DIAPH2: variants seen among roughly 807,000 people sequenced by gnomAD.
DIAPH2 encodes the protein diaphanous related formin 2.
DIAPH2 carries 35 observed loss-of-function variants against 92.7 expected under a neutral mutation model. The ratio of observed to expected loss-of-function variants is 0.38; its 90% CI spans 0.29 to 0.50. DIAPH2 has a LOEUF of 0.50. Ranked by LOEUF, DIAPH2 falls within the 20% of genes least tolerant of loss-of-function variation. The probability of loss-of-function intolerance (pLI) is 0.94; values close to 1 mark genes in which losing one functional copy is unlikely to be tolerated. For missense variants in DIAPH2, 701 were observed against 819.5 expected, an observed-to-expected ratio of 0.86 and a Z score of 1.77; for synonymous variants, 301 against 280.4, an observed-to-expected ratio of 1.07 and a Z score of -0.73.
intron 4 of DIAPH2, among the ~76,000 whole-genome samples, chrX:96,785,142 G>A (rs187989098): frequency 3.8e-4 from 43 of 111,863 alleles, no homozygotes; most frequent in African/African-American, 1.4e-3. Flanking sequence ...AATGGATTTG[G>A]TTTGTAAAAG....
At chrX:97,249,484 A>T (rs1220952200) in intron 23 of DIAPH2, among the ~76,000 whole-genome samples, 1 of 112,103 alleles carries the variant, frequency 8.9e-6, no homozygotes, top group Non-Finnish European at 1.9e-5. Flanking sequence ...GTTACTTTGC[A>T]TATCATATTT....
Position 97,565,924 on chromosome X carries a change from A to G in DIAPH2, c.3242-33329A>G, listed in dbSNP as rs2071323913. Among the ~76,000 whole-genome samples, 3 of 112,253 alleles carry G rather than the reference A, an allele frequency of 2.7e-5. 1 individual carries two copies. In the South Asian group the frequency reaches 1.1e-3, roughly 41 times the overall value. On this transcript the variant is annotated intron_variant, in intron 26 of 26. Transcript: ENST00000324765. ...TTCATCTTGCATGTGTATATTGGTG[A>G]TCTTCGTTAGGTATTTACTGCAGGG... is the stretch of plus-strand genomic sequence containing the variant.
At chrX:96,786,360 G>C (rs1477617042) in intron 4 of DIAPH2, among the ~76,000 whole-genome samples, 1 of 111,840 alleles carries the variant, frequency 8.9e-6, no homozygotes, top group Non-Finnish European at 1.9e-5. Flanking sequence ...TGTGGAGAAA[G>C]GGGCTTCAGG....
chrX:96,898,595 T>G (rs1419495309), intron 5 of DIAPH2, among the ~76,000 whole-genome samples: 2 of 107,120 alleles, frequency 1.9e-5, no homozygotes, highest in East Asian at 3.0e-4. Flanking sequence ...TCTTGTAAAT[T>G]TGTTTGAGTT....
intron 17 of DIAPH2, among the ~76,000 whole-genome samples, chrX:96,966,177 A>G (rs1442673911): frequency 1.8e-5 from 2 of 111,719 alleles, no homozygotes; most frequent in Non-Finnish European, 3.8e-5. Flanking sequence ...TCATATGCAC[A>G]CACAAATCTG....
intron 17 of DIAPH2, among the ~76,000 whole-genome samples, chrX:97,064,894 T>C (rs1319080294): frequency 9.0e-6 from 1 of 111,044 alleles, no homozygotes; most frequent in Admixed American, 9.6e-5. Flanking sequence ...GCTACAAATA[T>C]TTCAGGGTGT....
chrX:96,691,156 G>A (rs1379393967), intron 1 of DIAPH2, among the ~76,000 whole-genome samples: 1 of 111,374 alleles, frequency 9.0e-6, no homozygotes, highest in Non-Finnish European at 1.9e-5. Context: ...ATATAAATCA[G>A]CACATCTGGT....
intron 1 of DIAPH2, among the ~76,000 whole-genome samples, chrX:96,700,175 A>G (rs943137041): frequency 1.8e-5 from 2 of 111,139 alleles, no homozygotes; most frequent in Non-Finnish European, 3.8e-5. Flanking sequence ...TGCTCAGCTA[A>G]TTTTTGTATT....
chrX:97,386,689 G>A (rs1013820808), intron 25 of DIAPH2, among the ~76,000 whole-genome samples: 1 of 109,019 alleles, frequency 9.2e-6, no homozygotes, highest in Admixed American at 9.8e-5. Flanking sequence ...AAAAAGAAAA[G>A]TTCTGAAAGT....
chrX:97,506,210 C>T (rs778316565), intron 26 of DIAPH2, among the ~76,000 whole-genome samples: 14 of 80,051 alleles, frequency 1.7e-4, no homozygotes, highest in East Asian at 1.4e-3. Context: ...AGTGCAATGG[C>T]GCCATCTTGG....
rs1188210440 is a variant in DIAPH2, at chrX:97,603,713, A to AGAT, written c.*4397_*4399dup. On this transcript the variant is annotated 3_prime_UTR_variant, in exon 27 of 27. Transcript: ENST00000324765. Reference sequence around the variant, plus strand: ...TTCACACTACTGTAGTAGACAATTTAGATAGATAAACTTTTTGCCACTATA... The same window carrying AGAT: ...TTCACACTACTGTAGTAGACAATTTAGATGATAGATAAACTTTTTGCCACTATA... The AGAT allele has an allele frequency of 2.7e-5, 3 of 112,569 alleles. No individual in the cohort carries two copies. The highest frequency in any genetic ancestry group is 9.7e-5 in the African/African-American group (3 of 30,944). The allele number at this position is 112,569 out of a possible 1,213,427, so 9.3% of individuals were successfully genotyped here. A position where few individuals can be genotyped will look rare whatever the true frequency, so the allele number is the denominator to read the frequency against.
intron 5 of DIAPH2, chrX:96,884,393 G>C (rs2065242613): frequency 8.3e-7 from 1 of 1,210,455 alleles, no homozygotes; most frequent in South Asian, 1.8e-5. Context: ...CTGTGTGAGA[G>C]AGATGCAACT....
intron 14 of DIAPH2, 106 bp downstream of exon 14, chrX:96,945,697 A>G: frequency 1.9e-6 from 1 of 523,452 alleles, no homozygotes; most frequent in Non-Finnish European, 2.9e-6. Context: ...TCATTTATGT[A>G]GTACTTTATA....
chrX:96,761,021 A>G (rs10521497), intron 4 of DIAPH2, among the ~76,000 whole-genome samples: 3,281 of 110,184 alleles, frequency 0.03, 115 homozygotes, highest in African/African-American at 0.11. Flanking sequence ...GGAAGAGTCT[A>G]TATTTTCAAA....
rs1211331261 is a variant in DIAPH2 at position 97,384,014 on chromosome X, A to G, written c.3115A>G (p.Lys1039Glu). 8.3e-7 allele frequency: 1 copy of G among 1,201,809 alleles called. No individual in the cohort carries two copies. Among genetic ancestry groups the G allele is most frequent in the Admixed American group, 2.2e-5 (1 of 45,007 alleles). The change falls in exon 25 of 27, where the codon AAA becomes GAA. Residue 1039 changes from lysine to glutamate, a missense_variant. Lys to Glu is a moderately conservative substitution (Grantham distance 56). Around this residue, in one of 3 missense-constraint regions of DIAPH2, gnomAD observed 536 missense variants for 599.3 expected, o/e 0.89. Coordinates refer to ENST00000324765, the MANE Select transcript of DIAPH2 (RefSeq NM_006729.5). ...ACAAGAAAAGTTAGAACGCCAGAAG[A>G]AAAAGAAACAACTCATTGATATAAA... is the stretch of plus-strand genomic sequence containing the variant. ...AEQEKLERQK[K>E]KKQLIDINKE... is the part of the protein sequence containing the mutation.
chrX:97,377,933 G>A (rs1346122955), intron 24 of DIAPH2, among the ~76,000 whole-genome samples: 4 of 106,821 alleles, frequency 3.7e-5, no homozygotes, highest in Non-Finnish European at 7.7e-5. Context: ...TAAAAGAGGC[G>A]ACTGAAAGAA....
At chrX:97,533,848 A>G (rs998184089) in intron 26 of DIAPH2, among the ~76,000 whole-genome samples, 5 of 111,721 alleles carry the variant, frequency 4.5e-5, no homozygotes, top group Non-Finnish European at 9.4e-5. Context: ...GAAAAACAAT[A>G]ATTTACTCTG....
chrX:96,981,939 G>A (rs1054375922), intron 17 of DIAPH2, among the ~76,000 whole-genome samples: 3 of 111,327 alleles, frequency 2.7e-5, no homozygotes, highest in African/African-American at 9.8e-5. Flanking sequence ...TTGCCTACCC[G>A]ATTCTACCTA....
At chrX:97,448,211 A>T (rs1408215975) in intron 26 of DIAPH2, among the ~76,000 whole-genome samples, 1 of 112,057 alleles carries the variant, frequency 8.9e-6, no homozygotes, top group African/African-American at 3.2e-5. Context: ...AACTAGCTTT[A>T]AATTAATTTT....
Sources: allele counts gnomAD v4.1 joint callset (sites outside exome capture counted in the v4.1 genomes callset), GRCh38; gene constraint gnomAD v4.1.1; regional missense constraint gnomAD v4.1.1; transcripts MANE v1.5; gene names NCBI Gene and HGNC (gene_info 2026-07-23, HGNC 2026-07-21).